F13A1: variants seen among roughly 807,000 people sequenced by gnomAD.
F13A1 encodes the protein coagulation factor XIII A chain, also known as FSF, A subunit.
F13A1 carries 47 observed loss-of-function variants against 80.1 expected under a neutral mutation model. That is an observed-to-expected ratio of 0.59 (90% CI 0.46 to 0.75). The LOEUF is 0.75. Among genes scored for constraint, F13A1 ranks in the 30% least tolerant of loss-of-function variants. The pLI is 0.00. For missense variants in F13A1, 817 were observed against 930.4 expected, an observed-to-expected ratio of 0.88 and a Z score of 1.59; for synonymous variants, 349 against 344.9, an observed-to-expected ratio of 1.01 and a Z score of -0.13.
At chr6:6,237,869 G>T (rs535247525) in intron 6 of F13A1, among the ~76,000 whole-genome samples, 1 of 152,218 alleles carries the variant, frequency 6.6e-6, no homozygotes, top group Non-Finnish European at 1.5e-5. Flanking sequence ...ATCACTGGAA[G>T]ATGGCTATAG....
chr6:6,318,792 T>C, intron 1 of F13A1, 110 bp from the exon 2 acceptor site: 1 of 1,174,510 alleles, frequency 8.5e-7, no homozygotes. Context: ...GTGATAGCAC[T>C]TGAGCAACAC....
intron 8 of F13A1, among the ~76,000 whole-genome samples, chr6:6,200,573 C>G (rs1475700846): frequency 2.0e-5 from 3 of 148,862 alleles, no homozygotes; most frequent in Admixed American, 2.0e-4. Context: ...AAAAAGTGAT[C>G]TAGGTTGTAA....
Position 6,144,624 on chromosome 6 carries a change from CA to C in F13A1, c.*994del, listed in dbSNP as rs1561941198. 6.6e-6 allele frequency: 1 copy of C among 152,098 alleles called. No individual in the cohort carries two copies. The highest frequency in any genetic ancestry group is 2.4e-5 in the African/African-American group (1 of 41,402). 9.4% of individuals were successfully genotyped at this position (152,098 alleles called of 1,614,324 possible). A position where few individuals can be genotyped will look rare whatever the true frequency, so the allele number is the denominator to read the frequency against. Reference sequence around the variant, plus strand: ...CCTGAGTGCCAAGCTGAGGTCTCAACATGGGTGATGTGAAGGACAAGAGAGA... The same window carrying C: ...CCTGAGTGCCAAGCTGAGGTCTCAACTGGGTGATGTGAAGGACAAGAGAGA... On this transcript the variant is annotated 3_prime_UTR_variant, in exon 15 of 15. Transcript: ENST00000264870.
At chr6:6,300,179 G>T (rs1758400868) in intron 3 of F13A1, among the ~76,000 whole-genome samples, 1 of 125,344 alleles carries the variant, frequency 8.0e-6, no homozygotes, top group Non-Finnish European at 1.5e-5. Context: ...ATTTAAGTGT[G>T]CAGAGGTTAC....
chr6:6,164,679 C>T (rs149212497), intron 13 of F13A1, among the ~76,000 whole-genome samples: 50 of 149,998 alleles, frequency 3.3e-4, no homozygotes, highest in African/African-American at 1.1e-3. Context: ...CTTTTTCCCT[C>T]TTGTCCCTTC....
At chr6:6,245,049 G>T (rs1466403646) in intron 6 of F13A1, among the ~76,000 whole-genome samples, 1 of 152,170 alleles carries the variant, frequency 6.6e-6, no homozygotes, top group African/African-American at 2.4e-5. Context: ...TTGGTAATAT[G>T]TGGAATCAGT....
intron 2 of F13A1, 101 bp downstream of exon 2, chr6:6,318,434 G>A: frequency 7.2e-7 from 1 of 1,395,768 alleles, no homozygotes. Flanking sequence ...CCTTTTGTGG[G>A]AACCCCAGTG....
At position 6,298,487 on chromosome 6, in the gene F13A1, C is replaced by G. The variant is rs1409026894; in HGVS notation, c.319+6864G>C. On this transcript the variant is annotated intron_variant, in intron 3 of 14. Transcript: ENST00000264870. ...TTAGCTCTTCTTGTTGAATTGATCCCTTTACCATTATGTAATGGCCTTCTT... is the reference window on the plus strand; with the variant it reads ...TTAGCTCTTCTTGTTGAATTGATCCGTTTACCATTATGTAATGGCCTTCTT... Among the ~76,000 whole-genome samples the G allele has an allele frequency of 3.3e-5, 5 of 149,858 alleles. 1 individual carries two copies. The highest frequency in any genetic ancestry group is 1.3e-4 in the African/African-American group (5 of 39,300).
Position 6,154,143 on chromosome 6 carries a change from CAAAA to C in F13A1, c.1909-2198_1909-2195del, listed in dbSNP as rs5874019. Among the ~76,000 whole-genome samples the C allele has an allele frequency of 8.1e-3, 1,009 of 124,984 alleles. 8 individuals are homozygous for C. The highest frequency in any genetic ancestry group is 0.013 in the Admixed American group (165 of 12,422). 82.0% of individuals were successfully genotyped at this position (124,984 alleles called of 152,430 possible). A position where few individuals can be genotyped will look rare whatever the true frequency, so the allele number is the denominator to read the frequency against. ...ACCAAAACTGTTTCGTACTGACGTCCAAAAAAAAAAAAAAAAAACGGCAGTCAGA... is the reference window on the plus strand; with the variant it reads ...ACCAAAACTGTTTCGTACTGACGTCCAAAAAAAAAAAAAACGGCAGTCAGA... On this transcript the variant is annotated intron_variant, in intron 13 of 14. Coordinates refer to ENST00000264870, the MANE Select transcript of F13A1 (RefSeq NM_000129.4).
chr6:6,149,741 C>A (rs1284083861), intron 14 of F13A1, among the ~76,000 whole-genome samples: 1 of 152,242 alleles, frequency 6.6e-6, no homozygotes, highest in Non-Finnish European at 1.5e-5. Flanking sequence ...TCTGTTACAG[C>A]AGCTCAAACT....
chr6:6,219,663 C>T (rs1757163446), intron 8 of F13A1, among the ~76,000 whole-genome samples: 1 of 152,206 alleles, frequency 6.6e-6, no homozygotes, highest in Non-Finnish European at 1.5e-5. Flanking sequence ...CTAACCTCCT[C>T]AATCCAGGAG....
chr6:6,201,261 AG>A (rs1761389258), intron 8 of F13A1, among the ~76,000 whole-genome samples: 1 of 152,210 alleles, frequency 6.6e-6, no homozygotes, highest in Non-Finnish European at 1.5e-5. Flanking sequence ...CCCGGGGAAA[AG>A]TTTCTTTTCT....
At chr6:6,258,124 C>T (rs771588884) in intron 4 of F13A1, among the ~76,000 whole-genome samples, 6 of 152,020 alleles carry the variant, frequency 3.9e-5, no homozygotes, top group Non-Finnish European at 5.9e-5. Flanking sequence ...TTACACAATG[C>T]CAGATACTGA....
intron 8 of F13A1, among the ~76,000 whole-genome samples, chr6:6,197,676 C>CAA (rs11343875): frequency 7.3e-6 from 1 of 137,698 alleles, no homozygotes; most frequent in Admixed American, 7.4e-5. Flanking sequence ...GACTCCATCT[C>CAA]AAAAAAAAAA....
At chr6:6,208,556 A>G (rs1403251458) in intron 8 of F13A1, among the ~76,000 whole-genome samples, 3 of 152,164 alleles carry the variant, frequency 2.0e-5, no homozygotes, top group African/African-American at 7.2e-5. Flanking sequence ...AAAAAGTTCA[A>G]AAACTCCAAG....
intron 14 of F13A1, among the ~76,000 whole-genome samples, chr6:6,145,973 C>T (rs556725467): frequency 6.6e-6 from 1 of 152,316 alleles, no homozygotes; most frequent in South Asian, 2.1e-4. Flanking sequence ...CTGTCACTGA[C>T]AGTCTTATTG....
At chr6:6,203,191 G>C (rs896731563) in intron 8 of F13A1, among the ~76,000 whole-genome samples, 2 of 152,224 alleles carry the variant, frequency 1.3e-5, no homozygotes, top group African/African-American at 2.4e-5. Flanking sequence ...TGGCATATTA[G>C]TGTTTCAAAA....
chr6:6,200,781 G>A (rs1348441106), intron 8 of F13A1, among the ~76,000 whole-genome samples: 1 of 152,148 alleles, frequency 6.6e-6, no homozygotes, highest in Non-Finnish European at 1.5e-5. Context: ...GGACAGATGT[G>A]GGAAGCAAGG....
intron 3 of F13A1, among the ~76,000 whole-genome samples, chr6:6,303,371 A>G (rs1223727719): frequency 6.6e-6 from 1 of 152,204 alleles, no homozygotes; most frequent in Non-Finnish European, 1.5e-5. Flanking sequence ...TTAAATTTAC[A>G]TATTAATTTT....
Sources: allele counts gnomAD v4.1 joint callset (sites outside exome capture counted in the v4.1 genomes callset), GRCh38; gene constraint gnomAD v4.1.1; transcripts MANE v1.5; gene names NCBI Gene and HGNC (gene_info 2026-07-23, HGNC 2026-07-21).